DNMBP: variants seen among roughly 807,000 people sequenced by gnomAD.
DNMBP encodes dynamin binding protein.
DNMBP carries 87 observed loss-of-function variants against 150.0 expected under a neutral mutation model. The ratio of observed to expected loss-of-function variants is 0.58; its 90% CI spans 0.49 to 0.69. The LOEUF (loss-of-function observed/expected upper bound fraction) is 0.69. Among genes scored for constraint, DNMBP ranks in the 30% least tolerant of loss-of-function variants. DNMBP has a pLI of 0.00. For synonymous variants in DNMBP, 711 were observed against 750.4 expected (o/e 0.95, Z 0.86); for missense variants, 1,774 against 1,949.0 (o/e 0.91, Z 1.69).
chr10:99,979,984 T>A (rs899758872), intron 1 of DNMBP, among the ~76,000 whole-genome samples: 2 of 152,200 alleles, frequency 1.3e-5, no homozygotes, highest in African/African-American at 4.8e-5. Flanking sequence ...TTCCCCCAAA[T>A]GATGCCACCT....
At chr10:99,955,098 G>T in intron 4 of DNMBP, 116 bp downstream of exon 4, 10 of 820,374 alleles carry the variant, frequency 1.2e-5, no homozygotes, top group South Asian at 1.9e-5. Flanking sequence ...TAATGAAAAT[G>T]TAAATCATTT....
At chr10:99,912,676 G>A (rs1048371272) in intron 4 of DNMBP, among the ~76,000 whole-genome samples, 10 of 152,138 alleles carry the variant, frequency 6.6e-5, no homozygotes, top group Non-Finnish European at 1.3e-4. Context: ...AACCCTAGGT[G>A]TTTCCTTCCC....
intron 1 of DNMBP, among the ~76,000 whole-genome samples, chr10:100,006,006 A>T (rs760028952): frequency 6.6e-6 from 1 of 152,180 alleles, no homozygotes; most frequent in Non-Finnish European, 1.5e-5. Flanking sequence ...AACTCTTATG[A>T]CCTACGATAA....
chr10:99,931,946 G>C (rs1425167294), intron 4 of DNMBP, among the ~76,000 whole-genome samples: 1 of 152,198 alleles, frequency 6.6e-6, no homozygotes, highest in East Asian at 1.9e-4. Flanking sequence ...TTCACATATG[G>C]AGCACTAAGA....
At chr10:99,964,884 A>AT (rs1564748578) in intron 3 of DNMBP, among the ~76,000 whole-genome samples, 398 of 134,720 alleles carry the variant, frequency 3.0e-3, no homozygotes, top group Middle Eastern at 7.5e-3. Context: ...GAAAAAAAAA[A>AT]AATATATATA....
intron 1 of DNMBP, among the ~76,000 whole-genome samples, chr10:99,980,041 C>T (rs2040765882): frequency 6.6e-6 from 1 of 152,194 alleles, no homozygotes; most frequent in South Asian, 2.1e-4. Flanking sequence ...TCCTGCAGCC[C>T]TTGCTCTTAT....
At chr10:99,990,703 A>G (rs1210957531) in intron 1 of DNMBP, among the ~76,000 whole-genome samples, 1 of 151,646 alleles carries the variant, frequency 6.6e-6, no homozygotes, top group East Asian at 1.9e-4. Flanking sequence ...ATACACACAC[A>G]TATATACACA....
At chr10:99,997,927 CAAA>C (rs71009798) in intron 1 of DNMBP, among the ~76,000 whole-genome samples, 6 of 22,326 alleles carry the variant, frequency 2.7e-4, no homozygotes, top group African/African-American at 1.0e-3. Context: ...GACTCTGTCT[CAAA>C]AAAAAAAAAA....
intron 4 of DNMBP, among the ~76,000 whole-genome samples, chr10:99,946,483 AAC>A: frequency 6.6e-6 from 1 of 152,344 alleles, no homozygotes; most frequent in South Asian, 2.1e-4. Context: ...AGTAATCTTC[AAC>A]AAAGTTGACC....
At chr10:99,895,084 C>CT (rs1305247527) in intron 10 of DNMBP, 34 bp from the exon 11 acceptor site, 1 of 1,276,856 alleles carries the variant, frequency 7.8e-7, no homozygotes, top group East Asian at 2.4e-5. Flanking sequence ...GTTAGCAAAT[C>CT]TGGACACTCC....
chr10:99,907,133 G>A (rs1480196718), intron 6 of DNMBP, among the ~76,000 whole-genome samples: 2 of 151,914 alleles, frequency 1.3e-5, no homozygotes, highest in East Asian at 3.9e-4. Context: ...CACAGCCTGG[G>A]CAACATGGCA....
intron 12 of DNMBP, among the ~76,000 whole-genome samples, chr10:99,887,091 C>T (rs1024974263): frequency 2.0e-5 from 3 of 146,410 alleles, no homozygotes; most frequent in African/African-American, 7.9e-5. Flanking sequence ...TAGGTAATAC[C>T]CATTTTTTTT....
At chr10:99,894,447 C>T (rs1293376842) in intron 11 of DNMBP, among the ~76,000 whole-genome samples, 1 of 152,208 alleles carries the variant, frequency 6.6e-6, no homozygotes, top group Non-Finnish European at 1.5e-5. Flanking sequence ...TTCTCTAGAT[C>T]TCAAAGCTGT....
Position 99,900,079 on chromosome 10 carries a change from CACAA to C in DNMBP, c.2555-17_2555-14del. The stretch of plus-strand genomic sequence containing the variant: ...AGAAACACAGGTCCTTTGGAATACA[CACAA>C]ACATACAGTGTTTTTAGTAAACTTT... On this transcript the variant is annotated splice_polypyrimidine_tract_variant and intron_variant, in intron 6 of 16. Coordinates refer to ENST00000324109, the MANE Select transcript of DNMBP (RefSeq NM_015221.4). 6.2e-7 allele frequency: 1 copy of C among 1,613,902 alleles called. No individual in the cohort carries two copies. Among genetic ancestry groups the C allele is most frequent in the South Asian group, 1.1e-5 (1 of 91,002 alleles).
chr10:99,903,340 GTTTTTT>G (rs1167165766), intron 6 of DNMBP, among the ~76,000 whole-genome samples: 2 of 148,796 alleles, frequency 1.3e-5, no homozygotes, highest in Admixed American at 1.3e-4. Flanking sequence ...TTTTTGTTTT[GTTTTTT>G]TTTAAGAGAT....
Position 99,879,923 on chromosome 10 carries a change from A to G in DNMBP, c.4436T>C (p.Val1479Ala). ...TTGACTTTGCCCATTTCGTCCTGGTACGGAGTAGCCAACTATTTCTGGATG... is the reference window on the plus strand; with the variant it reads ...TTGACTTTGCCCATTTCGTCCTGGTGCGGAGTAGCCAACTATTTCTGGATG... ...FRHPEIVGYSVPGRNGQSQDL... is the reference protein window; with the variant it reads ...FRHPEIVGYSAPGRNGQSQDL... The change falls in exon 16 of 17, where the codon GTA becomes GCA. Residue 1479 changes from valine (V) to alanine (A), a missense_variant. This residue lies in a region of DNMBP where 1,430 missense variants were observed against 1,492.5 expected (regional missense o/e 0.96). Transcript: ENST00000324109. The G allele has an allele frequency of 6.2e-7, 1 of 1,614,190 alleles. No individual in the cohort carries two copies. The highest frequency in any genetic ancestry group is 8.5e-7 in the Non-Finnish European group (1 of 1,180,042).
At chr10:99,883,823 A>C (rs1842614929) in intron 15 of DNMBP, among the ~76,000 whole-genome samples, 188 bp downstream of exon 15, 1 of 149,656 alleles carries the variant, frequency 6.7e-6, no homozygotes, top group African/African-American at 2.5e-5. Flanking sequence ...TTGTCAAAAC[A>C]AAAAGAGGTT....
In DNMBP at chr10:99,881,834, AG is replaced by A. The variant is rs1179793712; in HGVS notation, c.3998-1474del. Among the ~76,000 whole-genome samples the A allele has an allele frequency of 2.0e-5, 3 of 152,316 alleles. No homozygotes were observed. In the East Asian group the frequency reaches 5.8e-4, roughly 29 times the overall value. On this transcript the variant is annotated intron_variant, in intron 15 of 16. Transcript: ENST00000324109. ...CCACAAGATGCTTTTAAAGAAACCA[AG>A]AAATGTGACATTTTTCAGTTCTGGG...
Position 99,961,276 on chromosome 10 carries a change from T to C in DNMBP, c.269-4071A>G, listed in dbSNP as rs868732263. 8.0e-3 allele frequency among the ~76,000 whole-genome samples: 1,069 copies of C among 132,940 alleles called. 12 individuals carry two copies. The highest frequency in any genetic ancestry group is 0.033 in the Middle Eastern group (9 of 272). 87.2% of individuals were successfully genotyped at this position (132,940 alleles called of 152,430 possible). A position where few individuals can be genotyped will look rare whatever the true frequency, so the allele number is the denominator to read the frequency against. On this transcript the variant is annotated intron_variant, in intron 3 of 16. Transcript: ENST00000324109. ...TATTTCTTCCCTTTTTCTTTTTTTT[T>C]TTTTTTTTTTTTTTGTGGAGACAGG... is the stretch of plus-strand genomic sequence containing the variant.
Sources: allele counts gnomAD v4.1 joint callset (sites outside exome capture counted in the v4.1 genomes callset), GRCh38; gene constraint gnomAD v4.1.1; regional missense constraint gnomAD v4.1.1; transcripts MANE v1.5; gene names NCBI Gene and HGNC (gene_info 2026-07-23, HGNC 2026-07-21).